The following SHBG variants were observed in gnomAD, a reference collection of about 807,000 sequenced individuals.
The protein encoded by SHBG is sex hormone binding globulin, also known as sex hormone-binding globulin.
SHBG carries 37 observed loss-of-function variants against 41.9 expected under a neutral mutation model. That is an observed-to-expected ratio of 0.88 (90% CI 0.68 to 1.16). The LOEUF is 1.16. Ranked by LOEUF, SHBG falls within the 50% of genes most tolerant of loss-of-function variation. The pLI is 0.00. For missense variants in SHBG, 466 were observed against 499.9 expected, an observed-to-expected ratio of 0.93 and a Z score of 0.65; for synonymous variants, 217 against 205.8, an observed-to-expected ratio of 1.05 and a Z score of -0.47.
chr17:7,625,569 T>G (rs2072182018), upstream of SHBG, among the ~76,000 whole-genome samples: 1 of 145,636 alleles, frequency 6.9e-6, no homozygotes, highest in Non-Finnish European at 1.5e-5. Flanking sequence ...AGAGCGAGAC[T>G]CTGTCTCAAA....
chr17:7,629,732 A>C (rs2072337726), upstream of SHBG, among the ~76,000 whole-genome samples: 1 of 152,188 alleles, frequency 6.6e-6, no homozygotes, highest in African/African-American at 2.4e-5. Context: ...GCCCAAGGTC[A>C]CTCAGCTAGA....
At chr17:7,619,390 CAA>C (rs113765992) in intron 1 of SHBG, among the ~76,000 whole-genome samples, 7 of 129,610 alleles carry the variant, frequency 5.4e-5, no homozygotes, top group East Asian at 4.5e-4. Flanking sequence ...AACTCCATCT[CAA>C]AAAAAAAAAA....
In SHBG at chr17:7,614,653, G is replaced by C. The variant is rs1298760483; in HGVS notation, c.-62+542G>C. On this transcript the variant is annotated intron_variant, in intron 1 of 5. Coordinates refer to the SHBG transcript ENST00000570547. The stretch of plus-strand genomic sequence containing the variant: ...CCGGAGGGGGAGCCGCGGGGGGCGG[G>C]AGCCGGGCCGGCCCCACGGCGGCCC... The C allele has an allele frequency of 8.4e-6, 4 of 474,974 alleles. No individual in the cohort carries two copies. In the East Asian group the frequency reaches 1.6e-4, roughly 19 times the overall value. The allele number at this position is 474,974 out of a possible 1,614,324, so 29.4% of individuals were successfully genotyped here.
At chr17:7,627,598 T>TCTC, upstream of SHBG, 2 of 1,612,302 alleles carry the variant, frequency 1.2e-6, no homozygotes, top group South Asian at 2.2e-5. This position sits in a 1 kb window ranked among gnomAD's most constrained non-coding sequence, Gnocchi z 4.8. Context: ...ATCTCCACAG[T>TCTC]CTCCCTCCTT....
chr17:7,624,286 C>T (rs1049712594), upstream of SHBG, among the ~76,000 whole-genome samples: 11 of 151,988 alleles, frequency 7.2e-5, no homozygotes, highest in East Asian at 1.5e-3. Context: ...CTCCATCTGT[C>T]ACCCAGGCTG....
upstream of SHBG, chr17:7,628,223 G>T: frequency 3.1e-6 from 1 of 319,624 alleles, no homozygotes; most frequent in South Asian, 2.7e-5. Context: ...GTTACCTCTT[G>T]GGGGCATTTG....
upstream of SHBG, chr17:7,630,049 C>T (rs138097069): frequency 1.8e-3 from 1,465 of 817,184 alleles, 3 homozygotes; most frequent in Non-Finnish European, 2.4e-3. This position sits in a 1 kb window ranked among gnomAD's most constrained non-coding sequence, Gnocchi z 4.6. Context: ...GGTCAGTGCC[C>T]CTGTTTCCTT....
chr17:7,628,367 G>A (rs952040744), upstream of SHBG, among the ~76,000 whole-genome samples: 7 of 152,038 alleles, frequency 4.6e-5, no homozygotes, highest in Non-Finnish European at 1.0e-4. Flanking sequence ...GAGTTCAAGC[G>A]ATCCTCCTGT....
At chr17:7,617,676 G>T (rs1325634988) in intron 1 of SHBG, among the ~76,000 whole-genome samples, 1 of 152,022 alleles carries the variant, frequency 6.6e-6, no homozygotes, top group Non-Finnish European at 1.5e-5. Flanking sequence ...GAAAATTAAA[G>T]GATTAGTCCA....
chr17:7,627,685 A>G (rs988712779), upstream of SHBG: 2 of 1,608,176 alleles, frequency 1.2e-6, no homozygotes, highest in East Asian at 2.2e-5. The surrounding 1 kb of genome is among the most constrained non-coding windows in gnomAD (Gnocchi z 4.8). Flanking sequence ...GCAAACGGCA[A>G]CTAGACCCCT....
chr17:7,616,008 A>G (rs1404752688), intron 1 of SHBG, among the ~76,000 whole-genome samples: 2 of 151,956 alleles, frequency 1.3e-5, no homozygotes, highest in African/African-American at 4.8e-5. Flanking sequence ...TCTACTAAAA[A>G]TACAAAAATT....
chr17:7,614,175 G>A (rs2071910659), intron 1 of SHBG: 1 of 654,140 alleles, frequency 1.5e-6, no homozygotes, highest in African/African-American at 1.8e-5. Flanking sequence ...TCTCTCCTGC[G>A]GAGCGGGGAG....
At chr17:7,615,987 G>A (rs1173496929) in intron 1 of SHBG, among the ~76,000 whole-genome samples, 2 of 151,520 alleles carry the variant, frequency 1.3e-5, no homozygotes, top group Admixed American at 6.6e-5. Context: ...TCAACAGGGC[G>A]AAACCCTGTT....
upstream of SHBG, chr17:7,627,700 G>C (rs1244323183): frequency 6.3e-7 from 1 of 1,577,748 alleles, no homozygotes; most frequent in East Asian, 2.2e-5. This position sits in a 1 kb window ranked among gnomAD's most constrained non-coding sequence, Gnocchi z 4.8. Flanking sequence ...ACCCCTTAAA[G>C]GGCCTACGGA....
At chr17:7,617,578 G>A (rs2072016562) in intron 1 of SHBG, among the ~76,000 whole-genome samples, 1 of 151,980 alleles carries the variant, frequency 6.6e-6, no homozygotes, top group South Asian at 2.1e-4. Context: ...ACTCCAGCCT[G>A]GGTGACAGAG....
chr17:7,616,451 C>A (rs1303572811), intron 1 of SHBG, among the ~76,000 whole-genome samples: 19 of 101,518 alleles, frequency 1.9e-4, no homozygotes, highest in African/African-American at 2.8e-4. Context: ...ACTAAAAATA[C>A]AAAAAAAAAA....
At chr17:7,628,144 G>A (rs962187910), upstream of SHBG, 2 of 459,122 alleles carry the variant, frequency 4.4e-6, no homozygotes, top group South Asian at 1.5e-5. Context: ...CACCCGCCCA[G>A]ACCCTGGGTA....
At chr17:7,632,296 T>C (rs62059840) in intron 6 of SHBG, among the ~76,000 whole-genome samples, 1 of 150,972 alleles carries the variant, frequency 6.6e-6, no homozygotes, top group Non-Finnish European at 1.5e-5. Context: ...AAAAAAAAAT[T>C]AGCCAGGCAT....
intron 7 of SHBG, 122 bp from the exon 8 acceptor site, chr17:7,633,082 T>TG: frequency 7.1e-7 from 1 of 1,406,948 alleles, no homozygotes; most frequent in Non-Finnish European, 1.0e-6. Flanking sequence ...GAAGAAGATA[T>TG]GGGGGCAGTG....
Sources: gnomAD v4.1 joint callset for allele counts (sites outside exome capture counted in the v4.1 genomes callset) on GRCh38, gnomAD v4.1.1 for gene constraint, Gnocchi (gnomAD v3.1) non-coding constraint, MANE v1.5 for transcripts, NCBI Gene and HGNC (gene_info 2026-07-23, HGNC 2026-07-21) for gene names.